ANKRD22: variants seen among roughly 807,000 people sequenced by gnomAD.
The protein encoded by ANKRD22 is ankyrin repeat domain-containing protein 22.
A neutral mutation model predicts 25.7 loss-of-function variants in ANKRD22; 24 were observed. That is an observed-to-expected ratio of 0.93 (90% CI 0.68 to 1.31). The LOEUF is 1.31. Among genes scored for constraint, ANKRD22 ranks in the 50% most tolerant of loss-of-function variants. The probability of loss-of-function intolerance (pLI) is 0.00; values close to 1 mark genes in which losing one functional copy is unlikely to be tolerated. For missense variants in ANKRD22, 214 were observed against 227.1 expected (o/e 0.94, Z 0.37); for synonymous variants, 84 against 84.3 (o/e 1.00, Z 0.02).
chr10:88,820,538 A>T lies in ANKRD22; in HGVS notation c.*2403T>A. The stretch of plus-strand genomic sequence containing the variant: ...CTGACGATCTTAGGACAACCTCCTG[A>T]GGGATGGGGCTAGGACCCATGAAGG... On this transcript the variant is annotated 3_prime_UTR_variant, in exon 6 of 6. Coordinates refer to ENST00000371930, the MANE Select transcript of ANKRD22 (RefSeq NM_144590.3). 6.5e-7 allele frequency: 1 copy of T among 1,533,902 alleles called. No homozygotes were observed. Among genetic ancestry groups the T allele is most frequent in the Non-Finnish European group, 8.8e-7 (1 of 1,140,208 alleles).
intron 4 of ANKRD22, among the ~76,000 whole-genome samples, chr10:88,823,721 C>T (rs1019187009): frequency 2.7e-5 from 4 of 149,412 alleles, no homozygotes; most frequent in African/African-American, 9.9e-5. Context: ...CCAGCTACTC[C>T]GGAGGCTGAG....
intron 2 of ANKRD22, 103 bp downstream of exon 2, chr10:88,831,732 G>T: frequency 8.5e-7 from 1 of 1,174,866 alleles, no homozygotes; most frequent in Non-Finnish European, 1.2e-6. Context: ...TTCGTATTAG[G>T]AGCTGCAAGC....
intron 1 of ANKRD22, among the ~76,000 whole-genome samples, chr10:88,842,901 A>G (rs1242470640): frequency 1.3e-5 from 2 of 152,142 alleles, no homozygotes; most frequent in Non-Finnish European, 2.9e-5. Flanking sequence ...TTATAGGTCT[A>G]CTGTGATTTG....
chr10:88,831,034 T>TA (rs1385515017), intron 2 of ANKRD22, among the ~76,000 whole-genome samples: 1 of 152,248 alleles, frequency 6.6e-6, no homozygotes, highest in Non-Finnish European at 1.5e-5. Context: ...CCTGATGAGC[T>TA]AGTCTCCAAA....
rs201028486 is a variant in ANKRD22, at chr10:88,831,854, T to C, written c.194A>G (p.Asn65Ser). 3 of 1,610,166 alleles carry C rather than the reference T, an allele frequency of 1.9e-6. No individual in the cohort carries two copies. The highest frequency in any genetic ancestry group is 1.7e-6 in the Non-Finnish European group (2 of 1,178,630). Residue 65 changes from asparagine to serine, a missense_variant, in exon 2 of 6, where the codon AAT becomes AGT. Physicochemically the swap from Asn to Ser is conservative, Grantham distance 46. Transcript: ENST00000371930. ...CCTCACCTGGTTTTTGAGGTTGACA[T>C]TAGCATTTCTTCTTAAAAGGAAGGA... ...IVSFLLRRNA[N>S]VNLKNQKERT... is the part of the protein sequence containing the mutation.
intron 1 of ANKRD22, among the ~76,000 whole-genome samples, chr10:88,846,098 C>T (rs939996891): frequency 6.6e-6 from 1 of 152,128 alleles, no homozygotes; most frequent in African/African-American, 2.4e-5. Context: ...TTCCAACTTA[C>T]TGGTGGACTC....
At chr10:88,845,762 G>A (rs1844041738) in intron 1 of ANKRD22, among the ~76,000 whole-genome samples, 1 of 152,116 alleles carries the variant, frequency 6.6e-6, no homozygotes, top group Admixed American at 6.5e-5. Flanking sequence ...CCAAGATCCA[G>A]CTTTCCCTCT....
At chr10:88,825,908 A>G in intron 4 of ANKRD22, 130 bp downstream of exon 4, 1 of 785,090 alleles carries the variant, frequency 1.3e-6, no homozygotes, top group Non-Finnish European at 1.9e-6. Context: ...TGGGAAAAAA[A>G]AGGAGAAAAT....
At chr10:88,823,427 A>ATGCTATGGTCTGTGGAGG in intron 4 of ANKRD22, 49 bp from the exon 5 acceptor site, 1 of 1,365,628 alleles carries the variant, frequency 7.3e-7, no homozygotes, top group Non-Finnish European at 1.0e-6. Flanking sequence ...GGCCCTCCAC[A>ATGCTATGGTCTGTGGAGG]GACCATAGCA....
At chr10:88,843,738 T>C (rs111861868) in intron 1 of ANKRD22, among the ~76,000 whole-genome samples, 211 of 152,322 alleles carry the variant, frequency 1.4e-3, no homozygotes, top group South Asian at 3.9e-3. Flanking sequence ...AGGGATTTCA[T>C]TGGGAGAATT....
At chr10:88,830,472 T>C (rs555214765) in intron 2 of ANKRD22, among the ~76,000 whole-genome samples, 1 of 152,350 alleles carries the variant, frequency 6.6e-6, no homozygotes, top group South Asian at 2.1e-4. Context: ...GGAAATAATT[T>C]ATAAACAGAT....
chr10:88,828,353 C>T (rs1176560264), intron 3 of ANKRD22, among the ~76,000 whole-genome samples: 1 of 152,066 alleles, frequency 6.6e-6, no homozygotes, highest in Non-Finnish European at 1.5e-5. Context: ...ATTATGTTAC[C>T]ATTGATTAAC....
At position 88,828,657 on chromosome 10, in the gene ANKRD22, TTCTC is replaced by T; in HGVS notation, c.219_222del (p.Arg74ProfsTer7). The stretch of plus-strand genomic sequence containing the variant: ...TTCTTCACAGCATAATGCAAGCAGG[TTCTC>T]TCTTTCTAAAAATTAAGAAAAGGAT... On this transcript the variant is annotated frameshift_variant, in exon 3 of 6. Coordinates refer to ENST00000371930, the MANE Select transcript of ANKRD22 (RefSeq NM_144590.3). LOFTEE classifies it high-confidence loss of function. The T allele has an allele frequency of 6.3e-7, 1 of 1,582,334 alleles. No individual in the cohort carries two copies. The highest frequency in any genetic ancestry group is 8.6e-7 in the Non-Finnish European group (1 of 1,164,540).
chr10:88,827,936 G>A (rs1223024728), intron 3 of ANKRD22, among the ~76,000 whole-genome samples: 1 of 151,904 alleles, frequency 6.6e-6, no homozygotes, highest in African/African-American at 2.4e-5. Flanking sequence ...TACCCTATTG[G>A]GAAAAAAAAC....
At chr10:88,843,876 C>A (rs543742547) in intron 1 of ANKRD22, among the ~76,000 whole-genome samples, 2 of 152,018 alleles carry the variant, frequency 1.3e-5, no homozygotes, top group African/African-American at 2.4e-5. Flanking sequence ...TTTATTAAAC[C>A]GACATTTAGG....
At chr10:88,844,327 T>C (rs1035298028) in intron 1 of ANKRD22, among the ~76,000 whole-genome samples, 1 of 152,128 alleles carries the variant, frequency 6.6e-6, no homozygotes, top group South Asian at 2.1e-4. Flanking sequence ...GTTAGGACTT[T>C]GAATTTTATT....
intron 1 of ANKRD22, among the ~76,000 whole-genome samples, chr10:88,847,975 T>C (rs1844067297): frequency 6.6e-6 from 1 of 151,822 alleles, no homozygotes; most frequent in African/African-American, 2.4e-5. Context: ...AAATTCTTTT[T>C]TCTCTTGTTA....
At chr10:88,845,971 A>G (rs1304809459) in intron 1 of ANKRD22, among the ~76,000 whole-genome samples, 1 of 152,128 alleles carries the variant, frequency 6.6e-6, no homozygotes, top group Non-Finnish European at 1.5e-5. Flanking sequence ...CATCGTCATT[A>G]TTGCTATTAT....
intron 4 of ANKRD22, 188 bp from the exon 5 acceptor site, chr10:88,823,566 G>A (rs971841387): frequency 8.5e-5 from 44 of 514,848 alleles, no homozygotes; most frequent in Non-Finnish European, 1.5e-4. Context: ...GGTGGCTCAC[G>A]CCTGTAATCC....
Sources: gnomAD v4.1 joint callset for allele counts (sites outside exome capture counted in the v4.1 genomes callset) on GRCh38, gnomAD v4.1.1 for gene constraint, MANE v1.5 for transcripts, NCBI Gene and HGNC (gene_info 2026-07-23, HGNC 2026-07-21) for gene names.